Variants in VPS4B observed in about 807,000 individuals in gnomAD.
The protein encoded by VPS4B is vacuolar protein sorting-associated protein 4B.
VPS4B carries 23 observed loss-of-function variants against 56.1 expected under a neutral mutation model. The observed-to-expected ratio is 0.41, with a 90% confidence interval of 0.30 to 0.58. The LOEUF (loss-of-function observed/expected upper bound fraction) is 0.58, where lower values mean the gene tolerates loss of function less well. Among genes scored for constraint, VPS4B ranks in the 20% least tolerant of loss-of-function variants. VPS4B has a pLI of 0.29. For synonymous variants in VPS4B, 177 were observed against 186.0 expected (o/e 0.95, Z 0.39); for missense variants, 372 against 531.9 (o/e 0.70, Z 2.96).
chr18:63,417,407 A>G (rs1440216009), intron 1 of VPS4B, among the ~76,000 whole-genome samples: 1 of 151,590 alleles, frequency 6.6e-6, no homozygotes. Flanking sequence ...GACATTTTAC[A>G]AAGTTGATTA....
intron 4 of VPS4B, among the ~76,000 whole-genome samples, chr18:63,407,140 C>T (rs972320485): frequency 4.6e-5 from 7 of 152,264 alleles, no homozygotes; most frequent in Non-Finnish European, 1.0e-4. Flanking sequence ...ATAAGTGTTA[C>T]CTTCTCTAAA....
chr18:63,398,204 C>CATATATATATATATATATATAT (rs200905713), intron 8 of VPS4B, among the ~76,000 whole-genome samples: 1 of 112,446 alleles, frequency 8.9e-6, no homozygotes, highest in African/African-American at 3.3e-5. Context: ...CACACACACA[C>CATATATATATATATATATATAT]ATATATATAT....
chr18:63,403,694 A>G lies in VPS4B; in HGVS notation c.484+13T>C. 11 of 1,591,042 alleles carry G rather than the reference A, an allele frequency of 6.9e-6. No homozygotes were observed. Among genetic ancestry groups the G allele is most frequent in the Non-Finnish European group, 9.4e-6 (11 of 1,169,780 alleles). On this transcript the variant is annotated intron_variant, in intron 5 of 10. Coordinates refer to ENST00000238497, the MANE Select transcript of VPS4B (RefSeq NM_004869.4). ...CAAACTCATGAAATAAAATTATTTA[A>G]AAGTTATGTCACCTGTAAAAAGATG... is the stretch of plus-strand genomic sequence containing the variant.
At chr18:63,409,589 C>G (rs1294470795) in intron 3 of VPS4B, among the ~76,000 whole-genome samples, 1 of 152,222 alleles carries the variant, frequency 6.6e-6, no homozygotes, top group East Asian at 1.9e-4. Context: ...CAGTGCTGAG[C>G]ACAAACTTGG....
intron 4 of VPS4B, among the ~76,000 whole-genome samples, chr18:63,405,039 C>T (rs746062547): frequency 4.0e-5 from 6 of 151,786 alleles, no homozygotes; most frequent in Non-Finnish European, 7.4e-5. Flanking sequence ...ATATGTATAC[C>T]GTCTGACTCA....
At chr18:63,402,028 A>C (rs1053707296) in intron 5 of VPS4B, among the ~76,000 whole-genome samples, 2 of 152,106 alleles carry the variant, frequency 1.3e-5, no homozygotes, top group Non-Finnish European at 2.9e-5. Flanking sequence ...AACAAAAAAA[A>C]CTGCTAGGTG....
Position 63,399,310 on chromosome 18 carries a change from G to A in VPS4B, c.804C>T (p.Asp268=), listed in dbSNP as rs141979729. 6.2e-7 allele frequency: 1 copy of A among 1,613,766 alleles called. No homozygotes were observed. The highest frequency in any genetic ancestry group is 1.3e-5 in the African/African-American group (1 of 74,890). Residue 268 remains aspartate, a synonymous_variant, in exon 8 of 11, where the codon GAC becomes GAT. Transcript: ENST00000238497. The part of the protein sequence containing the change: ...FLVQMQGVGV[D]NDGILVLGAT... ...CTCCCAGAACCAAAATTCCATCATT[G>A]TCTACACCAACCCCTGCATTAAAAT...
chr18:63,418,413 G>A (rs1916218561), intron 1 of VPS4B, among the ~76,000 whole-genome samples: 3 of 151,402 alleles, frequency 2.0e-5, no homozygotes, highest in Admixed American at 2.0e-4. Context: ...TCTAGTTTTA[G>A]TATTTTTTTT....
At position 63,403,814 on chromosome 18, in the gene VPS4B, A is replaced by G. The variant is rs768899063; in HGVS notation, c.377T>C (p.Ile126Thr). 27 of 1,607,300 alleles carry G rather than the reference A, an allele frequency of 1.7e-5. No homozygotes were observed. The highest frequency in any genetic ancestry group is 8.9e-5 in the East Asian group (4 of 44,788). ...ACTCCATTTCACATTTGGTCGTTCT[A>G]TAACAATGGCACCTGCAAAAAATTA... ...LQNQLQGAIV[I>T]ERPNVKWSDV... Residue 126 changes from isoleucine (I) to threonine (T), a missense_variant, in exon 5 of 11, where the codon ATA becomes ACA. Ile to Thr is a moderately conservative substitution (Grantham distance 89). Coordinates refer to ENST00000238497, the MANE Select transcript of VPS4B (RefSeq NM_004869.4).
At chr18:63,401,826 C>G (rs1599359283) in intron 5 of VPS4B, among the ~76,000 whole-genome samples, 1 of 152,044 alleles carries the variant, frequency 6.6e-6, no homozygotes, top group Admixed American at 6.6e-5. Flanking sequence ...AACCCTGACT[C>G]TAGTAAAAAT....
At chr18:63,395,920 T>C (rs71353390) in intron 9 of VPS4B, among the ~76,000 whole-genome samples, 23,190 of 152,248 alleles carry the variant, frequency 0.15, 2,000 homozygotes, top group East Asian at 0.35. Flanking sequence ...TGTCCCACTC[T>C]AGCTACTGTG....
chr18:63,412,567 G>A (rs1484058485), intron 1 of VPS4B, among the ~76,000 whole-genome samples: 1 of 152,146 alleles, frequency 6.6e-6, no homozygotes. Context: ...AAGAAGTGGT[G>A]CTAGAGGAAC....
chr18:63,400,516 A>G (rs758950767), intron 6 of VPS4B, 31 bp downstream of exon 6: 14 of 1,591,410 alleles, frequency 8.8e-6, no homozygotes, highest in Non-Finnish European at 1.1e-5. Context: ...CAGGCAAAGA[A>G]AAAACTTTAA....
At chr18:63,416,558 T>C (rs932772604) in intron 1 of VPS4B, 3 of 152,262 alleles carry the variant, frequency 2.0e-5, no homozygotes, top group African/African-American at 4.8e-5. Context: ...TGCTATCATA[T>C]ATGTCAAAAC....
At chr18:63,401,115 G>A (rs1243743692) in intron 5 of VPS4B, among the ~76,000 whole-genome samples, 1 of 152,170 alleles carries the variant, frequency 6.6e-6, no homozygotes, top group Admixed American at 6.5e-5. Flanking sequence ...TAAAAAATGG[G>A]CAGCTGGAAG....
At chr18:63,412,377 T>C (rs1185504749) in intron 1 of VPS4B, among the ~76,000 whole-genome samples, 1 of 152,238 alleles carries the variant, frequency 6.6e-6, no homozygotes, top group African/African-American at 2.4e-5. Context: ...TTATCTTTGA[T>C]AAAACATATA....
chr18:63,420,076 G>A (rs1311201592), intron 1 of VPS4B, among the ~76,000 whole-genome samples: 4 of 152,180 alleles, frequency 2.6e-5, no homozygotes, highest in African/African-American at 9.7e-5. Flanking sequence ...TCCTGCTTAA[G>A]AGTAACAATT....
intron 5 of VPS4B, among the ~76,000 whole-genome samples, chr18:63,401,791 G>C (rs748864827): frequency 6.6e-6 from 1 of 152,082 alleles, no homozygotes; most frequent in African/African-American, 2.4e-5. Flanking sequence ...TCAGGAGCTC[G>C]GGACAACTGT....
intron 1 of VPS4B, among the ~76,000 whole-genome samples, chr18:63,413,658 A>G (rs1916096611): frequency 6.6e-6 from 1 of 152,182 alleles, no homozygotes. Context: ...AATAGGTGCC[A>G]GTAAAAAAAA....
Sources: gnomAD v4.1 joint callset for allele counts (sites outside exome capture counted in the v4.1 genomes callset) on GRCh38, gnomAD v4.1.1 for gene constraint, MANE v1.5 for transcripts, NCBI Gene and HGNC (gene_info 2026-07-23, HGNC 2026-07-21) for gene names.